GAS2L3: variants seen among roughly 807,000 people sequenced by gnomAD.
GAS2L3 encodes the protein growth arrest specific 2 like 3.
A neutral mutation model predicts 37.0 loss-of-function variants in GAS2L3; 28 were observed. That is an observed-to-expected ratio of 0.76 (90% CI 0.56 to 1.04). GAS2L3 has a LOEUF of 1.04. Among genes scored for constraint, GAS2L3 ranks in the 50% least tolerant of loss-of-function variants. The pLI is 0.00. For missense variants in GAS2L3, 793 were observed against 817.6 expected, an observed-to-expected ratio of 0.97 and a Z score of 0.37; for synonymous variants, 290 against 296.6, an observed-to-expected ratio of 0.98 and a Z score of 0.23.
intron 1 of GAS2L3, among the ~76,000 whole-genome samples, chr12:100,590,613 A>G (rs1646856451): frequency 6.6e-6 from 1 of 152,240 alleles, no homozygotes; most frequent in African/African-American, 2.4e-5. Context: ...ATACTTGCAC[A>G]TGCATGTTTA....
chr12:100,615,028 C>G (rs1478648234), intron 6 of GAS2L3, among the ~76,000 whole-genome samples: 1 of 152,076 alleles, frequency 6.6e-6, no homozygotes, highest in Non-Finnish European at 1.5e-5. Flanking sequence ...CAGATATATA[C>G]CTAAGAGTGG....
At chr12:100,581,881 T>C (rs1955717093) in intron 1 of GAS2L3, among the ~76,000 whole-genome samples, 1 of 152,264 alleles carries the variant, frequency 6.6e-6, no homozygotes, top group African/African-American at 2.4e-5. Context: ...TTGTCATTTA[T>C]TTGAGATGGA....
Position 100,623,927 on chromosome 12 carries a change from A to G in GAS2L3, c.1122A>G (p.Pro374=), listed in dbSNP as rs754241694. 9 of 1,614,022 alleles carry G rather than the reference A, an allele frequency of 5.6e-6. No individual in the cohort carries two copies. The highest frequency in any genetic ancestry group is 7.6e-6 in the Non-Finnish European group (9 of 1,180,016). Residue 374 remains proline (P), a synonymous_variant, in exon 10 of 10, where the codon CCA becomes CCG. Coordinates refer to ENST00000547754, the MANE Select transcript of GAS2L3 (RefSeq NM_174942.3). ...CTATGTCAGTCCGTTCTAAATTGCC[A>G]AATTCTCCAGCAGCATCTTCTCATC... The part of the protein sequence containing the change: ...LGSMSVRSKL[P]NSPAASSHPK...
At chr12:100,601,948 C>A (rs1164944985) in intron 5 of GAS2L3, among the ~76,000 whole-genome samples, 195 bp downstream of exon 5, 3 of 151,920 alleles carry the variant, frequency 2.0e-5, no homozygotes, top group East Asian at 3.8e-4. Flanking sequence ...ATTTACTTAA[C>A]CCTTTTCAAG....
At chr12:100,618,353 T>TA (rs1386900065) in intron 7 of GAS2L3, 96 bp from the exon 8 acceptor site, 15 of 1,245,782 alleles carry the variant, frequency 1.2e-5, no homozygotes, top group Non-Finnish European at 1.7e-5. Context: ...AAGAGGATCA[T>TA]ATAGACTTTA....
At chr12:100,614,292 C>T (rs755941224) in intron 6 of GAS2L3, among the ~76,000 whole-genome samples, 4 of 151,794 alleles carry the variant, frequency 2.6e-5, no homozygotes, top group Admixed American at 2.0e-4. Context: ...GGCGAAACCC[C>T]GTCTCTACAA....
intron 6 of GAS2L3, among the ~76,000 whole-genome samples, chr12:100,613,523 T>C (rs1270251922): frequency 6.6e-6 from 1 of 152,220 alleles, no homozygotes; most frequent in Non-Finnish European, 1.5e-5. Context: ...TTTTATAGCT[T>C]TGAAAGAGTA....
chr12:100,599,379 A>T (rs1025199416), intron 3 of GAS2L3, among the ~76,000 whole-genome samples: 1 of 152,234 alleles, frequency 6.6e-6, no homozygotes, highest in African/African-American at 2.4e-5. Context: ...ATAGAGTGTC[A>T]GTTTTTATTC....
At chr12:100,580,120 C>A (rs1955692163) in intron 1 of GAS2L3, 1 of 896,578 alleles carries the variant, frequency 1.1e-6, no homozygotes, top group South Asian at 1.3e-5. Context: ...TGCCACTGGG[C>A]CAAGGGGTGC....
In GAS2L3 at chr12:100,625,007, A is replaced by T; in HGVS notation, c.*117A>T. The T allele has an allele frequency of 2.5e-6, 2 of 797,116 alleles. No individual in the cohort carries two copies. Among genetic ancestry groups the T allele is most frequent in the Middle Eastern group, 3.8e-4 (1 of 2,634 alleles). 49.4% of individuals were successfully genotyped at this position (797,116 alleles called of 1,614,324 possible). Reference sequence around the variant, plus strand: ...GGTGCAGACACTAAGGATAGTGAGGATGGAGGCTGGGATGAGGAAAGGGTT... The same window carrying T: ...GGTGCAGACACTAAGGATAGTGAGGTTGGAGGCTGGGATGAGGAAAGGGTT... On this transcript the variant is annotated 3_prime_UTR_variant, in exon 10 of 10. Transcript: ENST00000547754.
intron 1 of GAS2L3, among the ~76,000 whole-genome samples, chr12:100,577,496 G>A (rs1443816330): frequency 6.6e-6 from 1 of 152,128 alleles, no homozygotes; most frequent in Non-Finnish European, 1.5e-5. Context: ...AATAAAAAAA[G>A]ATTCTCAACA....
In GAS2L3 at chr12:100,600,687, C is replaced by T. The variant is rs79713790; in HGVS notation, c.187+137C>T. The T allele has an allele frequency of 1.9e-3, 1,396 of 723,416 alleles. 11 individuals are homozygous for T. In the African/African-American group the frequency reaches 0.022, roughly 11 times the overall value. The allele number at this position is 723,416 out of a possible 1,614,324, so 44.8% of individuals were successfully genotyped here. A position where few individuals can be genotyped will look rare whatever the true frequency, so the allele number is the denominator to read the frequency against. ...GAATGAAATATTCAGTGCCCTTGGT[C>T]TCACCCAGGTTACATTTCAGCTGGG... On this transcript the variant is annotated intron_variant, in intron 4 of 9. Coordinates refer to ENST00000547754, the MANE Select transcript of GAS2L3 (RefSeq NM_174942.3).
chr12:100,580,472 A>G (rs983482377), intron 1 of GAS2L3, among the ~76,000 whole-genome samples: 5 of 152,212 alleles, frequency 3.3e-5, no homozygotes, highest in Non-Finnish European at 4.4e-5. Context: ...AAATCCCTGT[A>G]GCAGAGATGT....
chr12:100,599,681 A>G (rs1170170568), intron 3 of GAS2L3, among the ~76,000 whole-genome samples: 1 of 152,052 alleles, frequency 6.6e-6, no homozygotes, highest in Non-Finnish European at 1.5e-5. Context: ...CATTCAACAA[A>G]TGTTTATTGA....
intron 1 of GAS2L3, among the ~76,000 whole-genome samples, chr12:100,585,709 A>G (rs1414200039): frequency 6.6e-6 from 1 of 152,114 alleles, no homozygotes; most frequent in Non-Finnish European, 1.5e-5. Context: ...CCTTTACCCC[A>G]TCATCTCTGA....
rs1458139011 is a variant in GAS2L3, at chr12:100,624,333, A to C, written c.1528A>C (p.Arg510=). The C allele has an allele frequency of 1.2e-6, 2 of 1,613,942 alleles. No homozygotes were observed. Among genetic ancestry groups the C allele is most frequent in the Non-Finnish European group, 1.7e-6 (2 of 1,180,000 alleles). Residue 510 remains arginine (R), a synonymous_variant, in exon 10 of 10, where the codon AGA becomes CGA. Transcript: ENST00000547754. ...GCTGCCTAAAGCAAATATACCTGTA[A>C]GACCTAAACCTTCTTTCCAGTCCTC... ...PKLPKANIPV[R]PKPSFQSSAK... is the part of the protein sequence containing the mutation.
At chr12:100,616,281 A>C (rs577951431) in intron 6 of GAS2L3, among the ~76,000 whole-genome samples, 82 of 152,200 alleles carry the variant, frequency 5.4e-4, no homozygotes, top group Admixed American at 5.2e-3. Context: ...CAGACTGTTC[A>C]TTTCTAGTGT....
rs979181105 is a variant in GAS2L3 at position 100,600,852 on chromosome 12, A to AT, written c.187+313dup. ...CATCTTTAAAAATTGTATTGGTCTA[A>AT]TTTTTTTTTTTACTGATTTCCTCCT... On this transcript the variant is annotated intron_variant, in intron 4 of 9. Coordinates refer to ENST00000547754, the MANE Select transcript of GAS2L3 (RefSeq NM_174942.3). Among the ~76,000 whole-genome samples, 341 of 147,586 alleles carry AT rather than the reference A, an allele frequency of 2.3e-3. 1 individual carries two copies. The highest frequency in any genetic ancestry group is 7.8e-3 in the East Asian group (40 of 5,096).
intron 3 of GAS2L3, among the ~76,000 whole-genome samples, chr12:100,596,649 G>A (rs375041486): frequency 1.3e-5 from 2 of 152,156 alleles, no homozygotes; most frequent in East Asian, 1.9e-4. Context: ...GTTATTAATT[G>A]ATGTCTTACT....
Sources: allele counts gnomAD v4.1 joint callset (sites outside exome capture counted in the v4.1 genomes callset), GRCh38; gene constraint gnomAD v4.1.1; transcripts MANE v1.5; gene names NCBI Gene and HGNC (gene_info 2026-07-23, HGNC 2026-07-21).